PML: variants seen among roughly 807,000 people sequenced by gnomAD.
The protein encoded by PML is PML nuclear body scaffold.
PML carries 28 observed loss-of-function variants against 65.2 expected under a neutral mutation model. The observed-to-expected ratio is 0.43, with a 90% CI of 0.32 to 0.59. PML has a LOEUF of 0.59. PML is among the 20% of genes least tolerant of loss of function. PML has a pLI of 0.08. For missense variants in PML, 1,021 were observed against 1,203.4 expected (o/e 0.85, Z 2.24); for synonymous variants, 500 against 508.8 (o/e 0.98, Z 0.23).
chr15:74,006,713 G>A (rs1035794780), intron 2 of PML, among the ~76,000 whole-genome samples: 1 of 152,240 alleles, frequency 6.6e-6, no homozygotes, highest in African/African-American at 2.4e-5. Flanking sequence ...TTTGGCTCAT[G>A]TTCTGCATGC....
At chr15:74,034,718 C>T (rs867672480) in intron 7 of PML, 188 bp downstream of exon 7, 224 of 1,515,146 alleles carry the variant, frequency 1.5e-4, no homozygotes, top group Middle Eastern at 4.3e-4. Context: ...CACCCCAGCC[C>T]TCCCACTACA....
Position 73,998,494 on chromosome 15 carries a change from G to T in PML, c.602+18G>T, listed in dbSNP as rs879233597. On this transcript the variant is annotated intron_variant, in intron 2 of 8. Transcript: ENST00000268058. ...CTGACCAGGTGAGTAGGCCGGCACA[G>T]GGTGGGGTGGTGCATCCAAGTACCA... The T allele has an allele frequency of 1.2e-6, 2 of 1,602,422 alleles. No homozygotes were observed. The highest frequency in any genetic ancestry group is 1.7e-6 in the Non-Finnish European group (2 of 1,170,730).
Position 74,023,035 on chromosome 15 carries a change from C to T in PML, c.810C>T (p.Arg270=), listed in dbSNP as rs550374192. 13 of 1,604,916 alleles carry T rather than the reference C, an allele frequency of 8.1e-6. No individual in the cohort carries two copies. The Admixed American group carries it at 1.7e-4, about 21-fold the overall frequency. Residue 270 remains arginine, a synonymous_variant, in exon 3 of 9, where the codon CGC becomes CGT. Coordinates refer to ENST00000268058, the MANE Select transcript of PML (RefSeq NM_033238.3). The part of the protein sequence containing the change: ...QMHAAVGQLG[R]ARAETEELIR... ...ACGCGGCCGTCGGCCAGCTGGGCCGCGCGCGTGCCGAGACCGAGGAGCTGA... is the reference window on the plus strand; with the variant it reads ...ACGCGGCCGTCGGCCAGCTGGGCCGTGCGCGTGCCGAGACCGAGGAGCTGA...
At chr15:74,032,259 C>T (rs538051377) in intron 4 of PML, 19 of 409,544 alleles carry the variant, frequency 4.6e-5, no homozygotes, top group South Asian at 3.5e-4. Flanking sequence ...ATGCCAGTCG[C>T]GGTGGCTCGT....
chr15:73,995,053 C>A, intron 1 of PML, 112 bp downstream of exon 1: 2 of 1,044,484 alleles, frequency 1.9e-6, no homozygotes, highest in Non-Finnish European at 2.7e-6. Context: ...TAGAGAGTGA[C>A]ACAAAGCGGG....
intron 4 of PML, among the ~76,000 whole-genome samples, chr15:74,030,116 C>A (rs1033422951): frequency 6.6e-6 from 1 of 152,158 alleles, no homozygotes; most frequent in Non-Finnish European, 1.5e-5. Context: ...CAGCCTCTGT[C>A]GGGAGCCTCC....
chr15:74,030,522 G>A (rs921285049), intron 4 of PML, among the ~76,000 whole-genome samples: 6 of 152,118 alleles, frequency 3.9e-5, no homozygotes, highest in African/African-American at 9.7e-5. Context: ...GGGGCTGTGC[G>A]CCTGTAATCC....
rs1487843242 is a variant in PML at position 74,047,730 on chromosome 15, T to C, written c.*2722T>C. ...TGTGAAGATAGCTTTTTGGTATATTTTAAAAGTGCACAAATTTAAGATCTT... is the reference window on the plus strand; with the variant it reads ...TGTGAAGATAGCTTTTTGGTATATTCTAAAAGTGCACAAATTTAAGATCTT... On this transcript the variant is annotated 3_prime_UTR_variant, in exon 9 of 9. Coordinates refer to ENST00000268058, the MANE Select transcript of PML (RefSeq NM_033238.3). 5.3e-6 allele frequency: 1 copy of C among 190,294 alleles called. No homozygotes were observed. Among genetic ancestry groups the C allele is most frequent in the Non-Finnish European group, 1.1e-5 (1 of 90,794 alleles). 11.8% of individuals were successfully genotyped at this position (190,294 alleles called of 1,614,324 possible).
Position 73,994,744 on chromosome 15 carries a change from C to T in PML, c.-69C>T. On this transcript the variant is annotated 5_prime_UTR_variant, in exon 1 of 9. It adds an upstream start codon to the 5' untranslated region. Coordinates refer to ENST00000268058, the MANE Select transcript of PML (RefSeq NM_033238.3). The stretch of plus-strand genomic sequence containing the variant: ...TCAAGGGACTCAGCCAACTGGCTCA[C>T]GCCTCCCCTTCAGCTTCTCTTCACG... 6.6e-7 allele frequency: 1 copy of T among 1,524,256 alleles called. No homozygotes were observed. The highest frequency in any genetic ancestry group is 8.9e-7 in the Non-Finnish European group (1 of 1,123,298). 94.4% of individuals were successfully genotyped at this position (1,524,256 alleles called of 1,614,324 possible).
At position 74,038,880 on chromosome 15, in the gene PML, C is replaced by T. The variant is rs905632273; in HGVS notation, c.1711-4109C>T. Among the ~76,000 whole-genome samples, 12 of 152,292 alleles carry T rather than the reference C, an allele frequency of 7.9e-5. 1 individual carries two copies. The highest frequency in any genetic ancestry group is 4.1e-4 in the South Asian group (2 of 4,824). On this transcript the variant is annotated intron_variant, in intron 7 of 8. Coordinates refer to ENST00000268058, the MANE Select transcript of PML (RefSeq NM_033238.3). ...GAGAGACTGTTTGTGCAAGAAGGAG[C>T]GAGAGGCAGCAGGGCATAGTCATGG...
Position 74,032,582 on chromosome 15 carries a change from CAG to C in PML, c.1272_1273del (p.Arg424SerfsTer12). On this transcript the variant is annotated frameshift_variant, in exon 5 of 9. Transcript: ENST00000268058. LOFTEE classifies it high-confidence loss of function. ...TTCCCAACTTTGCAGCCCGAGGAGG[CAG>C]AGAGAGTGAAGGCCCAGGTTCAGGC... The C allele has an allele frequency of 6.2e-7, 1 of 1,614,136 alleles. No homozygotes were observed. Among genetic ancestry groups the C allele is most frequent in the East Asian group, 2.2e-5 (1 of 44,878 alleles).
chr15:74,028,871 G>T (rs2071194775), intron 4 of PML, among the ~76,000 whole-genome samples: 1 of 152,134 alleles, frequency 6.6e-6, no homozygotes. Context: ...CCCATTATGT[G>T]TATATGCCAC....
At chr15:74,034,333 C>T (rs1370127592) in intron 6 of PML, 145 bp from the exon 7 acceptor site, 8 of 966,364 alleles carry the variant, frequency 8.3e-6, no homozygotes, top group Non-Finnish European at 1.3e-5. Flanking sequence ...CACATTGGCA[C>T]ACACAGTGGC....
intron 1 of PML, among the ~76,000 whole-genome samples, chr15:73,995,970 T>A (rs540322187): frequency 6.6e-6 from 1 of 152,158 alleles, no homozygotes; most frequent in Non-Finnish European, 1.5e-5. Context: ...GCCAGATTGG[T>A]CTCTAACTCC....
At chr15:74,014,354 TAGAGTCTCGCTCTG>T (rs2070466862) in intron 2 of PML, among the ~76,000 whole-genome samples, 1 of 151,874 alleles carries the variant, frequency 6.6e-6, no homozygotes, top group African/African-American at 2.4e-5. Flanking sequence ...TTTTTTGAGA[TAGAGTCTCGCTCTG>T]CCTCCCAGGC....
intron 2 of PML, among the ~76,000 whole-genome samples, chr15:74,015,378 C>A (rs1407279663): frequency 2.0e-5 from 3 of 152,186 alleles, no homozygotes; most frequent in Non-Finnish European, 2.9e-5. Flanking sequence ...TCCAAAAGAG[C>A]TCTCTTTTAC....
chr15:74,024,758 GA>G, intron 3 of PML, 98 bp from the exon 4 acceptor site: 1 of 900,956 alleles, frequency 1.1e-6, no homozygotes, highest in Non-Finnish European at 1.9e-6. Flanking sequence ...AGGTATCCTG[GA>G]AAAGCAACAG....
At chr15:74,021,363 G>C (rs549346729) in intron 2 of PML, among the ~76,000 whole-genome samples, 5 of 152,154 alleles carry the variant, frequency 3.3e-5, no homozygotes, top group African/African-American at 1.2e-4. Context: ...GGGGCGGGTG[G>C]ATCACCTGAG....
chr15:73,998,751 A>C (rs1029432081), intron 2 of PML, among the ~76,000 whole-genome samples: 1 of 152,206 alleles, frequency 6.6e-6, no homozygotes, highest in Non-Finnish European at 1.5e-5. Context: ...CTTTAGGATA[A>C]ATTTTTAGAA....
Sources: allele counts gnomAD v4.1 joint callset (sites outside exome capture counted in the v4.1 genomes callset), GRCh38; gene constraint gnomAD v4.1.1; transcripts MANE v1.5; gene names NCBI Gene and HGNC (gene_info 2026-07-23, HGNC 2026-07-21).